The following TRPV4 variants were observed in gnomAD, a reference collection of about 807,000 sequenced individuals.
TRPV4 encodes OSM9-like transient receptor potential channel 4.
Under a neutral mutation model 84.1 loss-of-function variants are expected in TRPV4, and 58 were observed. The ratio of observed to expected loss-of-function variants is 0.69; its 90% CI spans 0.56 to 0.86. The LOEUF (loss-of-function observed/expected upper bound fraction) is 0.86, where lower values mean the gene tolerates loss of function less well. Among genes scored for constraint, TRPV4 ranks in the 40% least tolerant of loss-of-function variants. The probability of loss-of-function intolerance (pLI) is 0.00; values close to 1 mark genes in which losing one functional copy is unlikely to be tolerated. For synonymous variants in TRPV4, 489 were observed against 500.9 expected (o/e 0.98, Z 0.32); for missense variants, 879 against 1,181.1 (o/e 0.74, Z 3.75).
At chr12:109,792,554 C>T (rs1183080052) in intron 11 of TRPV4, 98 bp downstream of exon 11, 2 of 1,583,354 alleles carry the variant, frequency 1.3e-6, no homozygotes, top group Non-Finnish European at 8.7e-7. Context: ...CCCACGGTAC[C>T]CAGCATCCTC....
Position 109,796,073 on chromosome 12 carries a change from T to C in TRPV4, c.1332+452A>G, listed in dbSNP as rs763250116. ...CATGCCTGACCGAAAAAAAAGAGCT[T>C]TCAAAAGTTCATATAACAACCATGA... is the stretch of plus-strand genomic sequence containing the variant. On this transcript the variant is annotated intron_variant, in intron 7 of 15. Transcript: ENST00000261740. This position sits in a 1 kb window ranked among gnomAD's most constrained non-coding sequence, Gnocchi z 4.2. Among the ~76,000 whole-genome samples, 15 of 152,062 alleles carry C rather than the reference T, an allele frequency of 9.9e-5. No homozygotes were observed. Among genetic ancestry groups the C allele is most frequent in the Non-Finnish European group, 1.8e-4 (12 of 68,008 alleles).
At chr12:109,807,130 G>T (rs1355631946) in intron 3 of TRPV4, among the ~76,000 whole-genome samples, 1 of 151,858 alleles carries the variant, frequency 6.6e-6, no homozygotes, top group Non-Finnish European at 1.5e-5. Context: ...TACAAAATTA[G>T]CCGGGCGTGG....
rs1054199909 is a variant in TRPV4, at chr12:109,815,924, G to A, written c.-31-1097C>T. ...TGCTTAGCCAGGAGCCAGGGCAAGG[G>A]AGGGGCAAGGCCCCACTGGTTGGCT... is the stretch of plus-strand genomic sequence containing the variant. On this transcript the variant is annotated intron_variant, in intron 1 of 15. Transcript: ENST00000261740. The surrounding 1 kb of genome is among the most constrained non-coding windows in gnomAD (Gnocchi z 4.1). Among the ~76,000 whole-genome samples, 2 of 152,250 alleles carry A rather than the reference G, an allele frequency of 1.3e-5. No homozygotes were observed. Among genetic ancestry groups the A allele is most frequent in the Non-Finnish European group, 2.9e-5 (2 of 68,048 alleles).
chr12:109,821,822 G>A (rs1235199824), intron 1 of TRPV4, among the ~76,000 whole-genome samples: 9 of 152,182 alleles, frequency 5.9e-5, no homozygotes, highest in East Asian at 1.9e-4. Flanking sequence ...GTGAGCCACC[G>A]CACCCGGCCT....
At position 109,798,315 on chromosome 12, in the gene TRPV4, G is replaced by A. The variant is rs970840112; in HGVS notation, c.1152+299C>T. On this transcript the variant is annotated intron_variant, in intron 6 of 15. Coordinates refer to ENST00000261740, the MANE Select transcript of TRPV4 (RefSeq NM_021625.5). This position sits in a 1 kb window ranked among gnomAD's most constrained non-coding sequence, Gnocchi z 5.0. ...CAACAGGTTTGAGGCTGGGAGCACCGCTGGGCTAGGGCCCGGGGACTCAGT... is the reference window on the plus strand; with the variant it reads ...CAACAGGTTTGAGGCTGGGAGCACCACTGGGCTAGGGCCCGGGGACTCAGT... Among the ~76,000 whole-genome samples, 3 of 152,194 alleles carry A rather than the reference G, an allele frequency of 2.0e-5. No homozygotes were observed. Among genetic ancestry groups the A allele is most frequent in the African/African-American group, 7.2e-5 (3 of 41,446 alleles).
chr12:109,824,836 A>C (rs1250159116), intron 1 of TRPV4, among the ~76,000 whole-genome samples: 1 of 152,200 alleles, frequency 6.6e-6, no homozygotes, highest in Admixed American at 6.5e-5. Flanking sequence ...GGAGAACTCC[A>C]GAGAGGATTC....
intron 3 of TRPV4, among the ~76,000 whole-genome samples, chr12:109,805,862 G>GC (rs1010643267): frequency 1.3e-5 from 2 of 152,164 alleles, no homozygotes; most frequent in Non-Finnish European, 2.9e-5. Context: ...TATGCTAGAA[G>GC]CCCCCAACTC....
Position 109,788,567 on chromosome 12 carries a change from C to G in TRPV4, c.2041G>C (p.Gly681Arg). The G allele has an allele frequency of 6.2e-7, 1 of 1,614,214 alleles. No individual in the cohort carries two copies. Among genetic ancestry groups the G allele is most frequent in the Non-Finnish European group, 8.5e-7 (1 of 1,180,030 alleles). ...GTGCTGCTCAGCATCTCCAGGTCGC[C>G]CATGCCGATGGTCAGCTTAAACAGG... is the stretch of plus-strand genomic sequence containing the variant. ...LDLFKLTIGM[G>R]DLEMLSSTKY... The change falls in exon 13 of 16, where the codon GGC becomes CGC. Residue 681 changes from glycine (G) to arginine (R), a missense_variant. Transcript: ENST00000261740.
intron 2 of TRPV4, among the ~76,000 whole-genome samples, chr12:109,809,956 T>A (rs1298350335): frequency 6.6e-6 from 1 of 152,212 alleles, no homozygotes; most frequent in Non-Finnish European, 1.5e-5. Context: ...TTACCATTAT[T>A]AATGAGTGCC....
Position 109,815,652 on chromosome 12 carries a change from T to C in TRPV4, c.-31-825A>G, listed in dbSNP as rs1249714913. 1.3e-5 allele frequency among the ~76,000 whole-genome samples: 2 copies of C among 152,228 alleles called. No homozygotes were observed. Among genetic ancestry groups the C allele is most frequent in the African/African-American group, 4.8e-5 (2 of 41,468 alleles). On this transcript the variant is annotated intron_variant, in intron 1 of 15. Transcript: ENST00000261740. This position sits in a 1 kb window ranked among gnomAD's most constrained non-coding sequence, Gnocchi z 4.1. ...TGCACACACTCGCTCCCAGGATCCA[T>C]GCTCCTCTCCTCAGAAGCTTTATCC...
intron 1 of TRPV4, among the ~76,000 whole-genome samples, chr12:109,829,459 C>T (rs1892352652): frequency 6.6e-6 from 1 of 152,236 alleles, no homozygotes; most frequent in African/African-American, 2.4e-5. Flanking sequence ...ATAAATATTT[C>T]ATTGCTGAAA....
intron 12 of TRPV4, among the ~76,000 whole-genome samples, chr12:109,791,254 A>G (rs1178672984): frequency 6.6e-6 from 1 of 152,002 alleles, no homozygotes; most frequent in Non-Finnish European, 1.5e-5. Context: ...GTGGTGGCAC[A>G]CGCCTGTAAT....
At position 109,793,536 on chromosome 12, in the gene TRPV4, T is replaced by C; in HGVS notation, c.1649A>G (p.Gln550Arg). 6.2e-7 allele frequency: 1 copy of C among 1,613,924 alleles called. No individual in the cohort carries two copies. Among genetic ancestry groups the C allele is most frequent in the South Asian group, 1.1e-5 (1 of 91,072 alleles). ...AGGGACCTCTACTCACTAGAGCAGC[T>C]GGAAGGAGCCATCAATGAAGAGAGA... ...VNSLFIDGSF[Q>R]LLYFIYSVLV... is the part of the protein sequence containing the mutation. Residue 550 changes from glutamine (Q) to arginine (R), a missense_variant, in exon 10 of 16, where the codon CAG becomes CGG. Gln to Arg is a conservative substitution (Grantham distance 43). Around this residue, in one of 4 missense-constraint regions of TRPV4, gnomAD observed 521 missense variants for 686.6 expected, o/e 0.76. Coordinates refer to ENST00000261740, the MANE Select transcript of TRPV4 (RefSeq NM_021625.5). The surrounding 1 kb of genome is among the most constrained non-coding windows in gnomAD (Gnocchi z 4.0).
rs74370310 is a variant in TRPV4 at position 109,802,619 on chromosome 12, T to A, written c.712+372A>T. 9.2e-4 allele frequency among the ~76,000 whole-genome samples: 92 copies of A among 100,414 alleles called. 2 individuals are homozygous for A. The highest frequency in any genetic ancestry group is 2.4e-3 in the African/African-American group (42 of 17,804). The allele number at this position is 100,414 out of a possible 152,430, so 65.9% of individuals were successfully genotyped here. A position where few individuals can be genotyped will look rare whatever the true frequency, so the allele number is the denominator to read the frequency against. On this transcript the variant is annotated intron_variant, in intron 4 of 15. Transcript: ENST00000261740. ...ACCTGGCCTTCTTTTATTTTATTTT[T>A]TTTTTTTTGTATCTTTTGTCAAGAC...
intron 2 of TRPV4, among the ~76,000 whole-genome samples, chr12:109,808,917 C>T (rs1891318020): frequency 6.6e-6 from 1 of 151,040 alleles, no homozygotes; most frequent in Admixed American, 6.6e-5. Flanking sequence ...CCCATCCACC[C>T]ACTCCTCCAT....
intron 13 of TRPV4, among the ~76,000 whole-genome samples, chr12:109,787,400 T>C (rs1002607205): frequency 3.3e-5 from 5 of 152,036 alleles, no homozygotes; most frequent in Non-Finnish European, 7.4e-5. Context: ...AACTCAGAAG[T>C]TCAAGACCAG....
In TRPV4 at chr12:109,793,963, C is replaced by T. The variant is rs754598807; in HGVS notation, c.1551G>A (p.Thr517=). The T allele has an allele frequency of 7.5e-6, 12 of 1,610,404 alleles. No individual in the cohort carries two copies. The highest frequency in any genetic ancestry group is 5.0e-5 in the Admixed American group (3 of 59,668). ...AGAAGAACAGGACCCCAGTGAAGAG[C>T]GTAATGACCTCGCCAGCCAGCCGCA... ...DYLRLAGEVI[T]LFTGVLFFFT... Residue 517 remains threonine (T), a synonymous_variant, in exon 9 of 16, where the codon ACG becomes ACA. Coordinates refer to ENST00000261740, the MANE Select transcript of TRPV4 (RefSeq NM_021625.5). This position sits in a 1 kb window ranked among gnomAD's most constrained non-coding sequence, Gnocchi z 4.0.
rs775634013 is a variant in TRPV4, at chr12:109,808,474, G to A, written c.387-6C>T. 43 of 1,608,956 alleles carry A rather than the reference G, an allele frequency of 2.7e-5. No individual in the cohort carries two copies. The highest frequency in any genetic ancestry group is 3.3e-5 in the Non-Finnish European group (39 of 1,176,552). ...TGGGGCTCTGCGGCTGCTTCCTGGA[G>A]GAGGTAGGGAGGCAAGTTGATGGGA... On this transcript the variant is annotated splice_polypyrimidine_tract_variant and splice_region_variant and intron_variant, in intron 2 of 15. Transcript: ENST00000261740.
chr12:109,827,415 G>A (rs1892283665), intron 1 of TRPV4, among the ~76,000 whole-genome samples: 1 of 151,990 alleles, frequency 6.6e-6, no homozygotes, highest in African/African-American at 2.4e-5. Flanking sequence ...TCTATCTACA[G>A]GTATTCCTGA....
Sources: allele counts gnomAD v4.1 joint callset (sites outside exome capture counted in the v4.1 genomes callset), GRCh38; gene constraint gnomAD v4.1.1; regional missense constraint gnomAD v4.1.1; non-coding constraint Gnocchi (gnomAD v3.1); transcripts MANE v1.5; gene names NCBI Gene and HGNC (gene_info 2026-07-23, HGNC 2026-07-21).